Variants in RAPGEF2 observed in about 807,000 individuals in gnomAD.
RAPGEF2 encodes the protein PDZ domain containing guanine nucleotide exchange factor (GEF) 1.
RAPGEF2 carries 54 observed loss-of-function variants against 186.7 expected under a neutral mutation model. That is an observed-to-expected ratio of 0.29 (90% CI 0.23 to 0.36). The LOEUF (loss-of-function observed/expected upper bound fraction) is 0.36. RAPGEF2 is among the 10% of genes least tolerant of loss of function. The pLI is 1.00. For synonymous variants in RAPGEF2, 712 were observed against 705.9 expected, an observed-to-expected ratio of 1.01 and a Z score of -0.14; for missense variants, 1,532 against 2,045.0, an observed-to-expected ratio of 0.75 and a Z score of 4.84.
At position 159,356,030 on chromosome 4, in the gene RAPGEF2, C is replaced by G. The variant is rs371381822; in HGVS notation, c.4829C>G (p.Ser1610Cys). Residue 1610 changes from serine (S) to cysteine (C), a missense_variant, in exon 29 of 30, where the codon TCC becomes TGC. Around this residue, in one of 4 missense-constraint regions of RAPGEF2, gnomAD observed 594 missense variants for 608.5 expected, o/e 0.98. Coordinates refer to ENST00000691494, the MANE Select transcript of RAPGEF2 (RefSeq NM_001394067.2). Reference sequence around the variant, plus strand: ...TCCTCCGACACAGCTGGGCCTTCATCCGTACAGCAGCCACATGGGCATCCC... The same window carrying G: ...TCCTCCGACACAGCTGGGCCTTCATGCGTACAGCAGCCACATGGGCATCCC... The part of the protein sequence containing the change: ...ARSSDTAGPS[S>C]VQQPHGHPTS... The G allele has an allele frequency of 6.8e-6, 11 of 1,614,066 alleles. No individual in the cohort carries two copies. In the African/African-American group the frequency reaches 1.5e-4, roughly 22 times the overall value.
At chr4:159,238,613 A>G (rs570720239) in intron 4 of RAPGEF2, among the ~76,000 whole-genome samples, 196 bp from the exon 5 acceptor site, 37 of 152,352 alleles carry the variant, frequency 2.4e-4, no homozygotes, top group Non-Finnish European at 3.5e-4. Context: ...AGAAAAATCT[A>G]TGACTGAAAC....
intron 17 of RAPGEF2, among the ~76,000 whole-genome samples, chr4:159,334,931 A>G (rs1411018265): frequency 6.6e-6 from 1 of 152,068 alleles, no homozygotes; most frequent in Non-Finnish European, 1.5e-5. Flanking sequence ...GTGTAATGCA[A>G]TTGAAAAGAA....
intron 17 of RAPGEF2, among the ~76,000 whole-genome samples, chr4:159,335,774 T>A (rs1411003302): frequency 6.9e-6 from 1 of 144,924 alleles, no homozygotes; most frequent in Non-Finnish European, 1.5e-5. Flanking sequence ...AGGCGGAGCT[T>A]GCAGTGAGCC....
At chr4:159,182,392 T>C (rs1386373755) in intron 1 of RAPGEF2, among the ~76,000 whole-genome samples, 51 of 133,982 alleles carry the variant, frequency 3.8e-4, no homozygotes, top group African/African-American at 8.7e-4. Context: ...TCTTCTTTTT[T>C]TTTTTTTTTT....
At chr4:159,259,435 T>A (rs931536490) in intron 7 of RAPGEF2, among the ~76,000 whole-genome samples, 1 of 152,226 alleles carries the variant, frequency 6.6e-6, no homozygotes, top group Non-Finnish European at 1.5e-5. Context: ...GTTAAGTGTT[T>A]TTCCTTTTCT....
intron 4 of RAPGEF2, among the ~76,000 whole-genome samples, chr4:159,214,543 A>G (rs1213251573): frequency 6.6e-6 from 1 of 152,224 alleles, no homozygotes; most frequent in Non-Finnish European, 1.5e-5. Flanking sequence ...AAAAATTGTA[A>G]TAGAAATTGT....
rs1752469506 is a variant in RAPGEF2 at position 159,230,092 on chromosome 4, A to G, written c.282-8717A>G. 2.0e-5 allele frequency among the ~76,000 whole-genome samples: 3 copies of G among 152,200 alleles called. No homozygotes were observed. In the South Asian group the frequency reaches 6.2e-4, roughly 31 times the overall value. ...TACAGAACAATTTAGAAGGGTTTAA[A>G]TTAGACCATAGTGATCACATTTTCA... is the stretch of plus-strand genomic sequence containing the variant. On this transcript the variant is annotated intron_variant, in intron 4 of 29. Coordinates refer to ENST00000691494, the MANE Select transcript of RAPGEF2 (RefSeq NM_001394067.2).
intron 4 of RAPGEF2, chr4:159,229,464 T>G (rs1047824864): frequency 1.3e-5 from 2 of 152,204 alleles, no homozygotes; most frequent in African/African-American, 4.8e-5. Context: ...TTCGGACAAT[T>G]TGGCCTTACA....
chr4:159,192,851 T>G (rs1462535684), intron 2 of RAPGEF2, among the ~76,000 whole-genome samples: 2 of 152,240 alleles, frequency 1.3e-5, no homozygotes, highest in African/African-American at 2.4e-5. Context: ...GTTTTCCTTT[T>G]AAACTTTTAG....
intron 1 of RAPGEF2, among the ~76,000 whole-genome samples, chr4:159,127,075 G>A (rs1740403193): frequency 6.6e-6 from 1 of 152,170 alleles, no homozygotes; most frequent in Non-Finnish European, 1.5e-5. Flanking sequence ...CGCCCAGGCT[G>A]GAGTGCAGTG....
intron 8 of RAPGEF2, among the ~76,000 whole-genome samples, chr4:159,312,181 C>A (rs983700206): frequency 2.6e-5 from 4 of 152,120 alleles, no homozygotes; most frequent in South Asian, 4.2e-4. Flanking sequence ...TAAAGAAAAA[C>A]CATTAGCTAT....
chr4:159,354,411 T>G (rs1227908259), intron 28 of RAPGEF2, among the ~76,000 whole-genome samples: 1 of 152,258 alleles, frequency 6.6e-6, no homozygotes, highest in Non-Finnish European at 1.5e-5. Context: ...AACTCTTTTA[T>G]ATCTTTGATT....
Position 159,104,248 on chromosome 4 carries a change from C to T in RAPGEF2, c.69+17C>T, listed in dbSNP as rs748048027. The T allele has an allele frequency of 2.6e-6, 3 of 1,165,398 alleles. No homozygotes were observed. Among genetic ancestry groups the T allele is most frequent in the South Asian group, 1.5e-5 (1 of 68,626 alleles). 72.2% of individuals were successfully genotyped at this position (1,165,398 alleles called of 1,614,324 possible). On this transcript the variant is annotated intron_variant, in intron 1 of 29. Transcript: ENST00000691494. ...ACCCCCCAGGTGAGAACGCGGCGGC[C>T]GCCTGCCCTTGGCCGGATTTCTGCC...
chr4:159,284,481 G>GACACACAC (rs36232973), intron 7 of RAPGEF2, among the ~76,000 whole-genome samples: 23 of 140,444 alleles, frequency 1.6e-4, no homozygotes, highest in African/African-American at 5.0e-4. Flanking sequence ...CCGCCATGGA[G>GACACACAC]ACACACACAC....
intron 7 of RAPGEF2, among the ~76,000 whole-genome samples, chr4:159,253,099 T>C (rs1755666555): frequency 6.6e-6 from 1 of 152,206 alleles, no homozygotes; most frequent in Admixed American, 6.5e-5. Flanking sequence ...ATGTAAAGTA[T>C]ATGAAGAAAA....
chr4:159,351,482 G>A (rs1219113429), intron 26 of RAPGEF2, among the ~76,000 whole-genome samples: 1 of 152,004 alleles, frequency 6.6e-6, no homozygotes, highest in Non-Finnish European at 1.5e-5. Context: ...ACTTAAACTG[G>A]CAACATTTAG....
intron 17 of RAPGEF2, among the ~76,000 whole-genome samples, chr4:159,333,062 C>T (rs2111214035): frequency 6.6e-6 from 1 of 152,194 alleles, no homozygotes; most frequent in Middle Eastern, 3.4e-3. Flanking sequence ...TCACTGCAAC[C>T]TGTGCCGCCC....
intron 17 of RAPGEF2, among the ~76,000 whole-genome samples, chr4:159,335,648 C>T (rs1461603890): frequency 1.3e-5 from 2 of 151,656 alleles, no homozygotes. Context: ...GAGATCGAGA[C>T]CACGGTGAAA....
intron 28 of RAPGEF2, among the ~76,000 whole-genome samples, chr4:159,354,865 A>G (rs138369797): frequency 1.5e-4 from 23 of 152,348 alleles, no homozygotes; most frequent in African/African-American, 4.8e-4. Context: ...TGTGTTTTCT[A>G]TGGCACAATT....
Sources: gnomAD v4.1 joint callset for allele counts (sites outside exome capture counted in the v4.1 genomes callset) on GRCh38, gnomAD v4.1.1 for gene constraint, gnomAD v4.1.1 regional missense constraint, MANE v1.5 for transcripts, NCBI Gene and HGNC (gene_info 2026-07-23, HGNC 2026-07-21) for gene names.